Variants in PDGFRB observed in about 807,000 individuals in gnomAD.
PDGFRB encodes the protein platelet derived growth factor receptor beta, also known as platelet-derived growth factor receptor beta.
Under a neutral mutation model 120.2 loss-of-function variants are expected in PDGFRB, and 42 were observed. That is an observed-to-expected ratio of 0.35 (90% confidence interval 0.27 to 0.45). PDGFRB has a LOEUF of 0.45. PDGFRB is among the 20% of genes least tolerant of loss of function. PDGFRB has a pLI of 1.00. For synonymous variants in PDGFRB, 586 were observed against 606.8 expected (o/e 0.97, Z 0.50); for missense variants, 1,149 against 1,476.3 (o/e 0.78, Z 3.63).
At chr5:150,131,452 A>G (rs1760463577) in intron 8 of PDGFRB, among the ~76,000 whole-genome samples, 1 of 152,138 alleles carries the variant, frequency 6.6e-6, no homozygotes, top group African/African-American at 2.4e-5. Context: ...TCAAAAATGC[A>G]ACTCACACCA....
At position 150,132,535 on chromosome 5, in the gene PDGFRB, T is replaced by C. The variant is rs555446219; in HGVS notation, c.1127+215A>G. Among the ~76,000 whole-genome samples the C allele has an allele frequency of 8.1e-4, 123 of 152,306 alleles. 1 individual carries two copies. Among genetic ancestry groups the C allele is most frequent in the African/African-American group, 2.7e-3 (112 of 41,588 alleles). ...CCCATCACAAGGACAACTAAACATC[T>C]GGGTGATCATCTGACCGGCGACTGT... On this transcript the variant is annotated intron_variant, in intron 7 of 22. Coordinates refer to ENST00000261799, the MANE Select transcript of PDGFRB (RefSeq NM_002609.4). The surrounding 1 kb of genome is among the most constrained non-coding windows in gnomAD (Gnocchi z 5.0).
At chr5:150,133,793 C>G (rs766974742) in intron 5 of PDGFRB, 33 bp from the exon 6 acceptor site, 49 of 1,612,064 alleles carry the variant, frequency 3.0e-5, no homozygotes, top group South Asian at 1.1e-4. Context: ...CCCCCCAAAT[C>G]AGGAGGGGCC....
intron 10 of PDGFRB, among the ~76,000 whole-genome samples, chr5:150,128,011 G>GCCA (rs1408419519): frequency 6.6e-6 from 1 of 151,390 alleles, no homozygotes; most frequent in Non-Finnish European, 1.5e-5. Flanking sequence ...ACCTATCCTC[G>GCCA]CCATGCCTTC....
chr5:150,144,614 G>T (rs906297611), intron 1 of PDGFRB, among the ~76,000 whole-genome samples: 9 of 152,382 alleles, frequency 5.9e-5, no homozygotes, highest in African/African-American at 2.2e-4. Context: ...CCGTCAGAGT[G>T]CCTGTGCTTG....
intron 1 of PDGFRB, among the ~76,000 whole-genome samples, 171 bp downstream of exon 1, chr5:150,155,226 G>T (rs1383763724): frequency 6.6e-6 from 1 of 151,540 alleles, no homozygotes; most frequent in Non-Finnish European, 1.5e-5. Context: ...GAGAAAACTG[G>T]CTCCTCCATC....
chr5:150,115,822 G>T lies in PDGFRB; in HGVS notation c.3262C>A (p.Gln1088Lys). ...GCAGGGCACCCCGAATCCGGCAACT[G>T]TTCCAGCTCTGGCTCCGGCTCCACC... ...LQVEPEPELEQLPDSGCPAPR... is the reference protein window; with the variant it reads ...LQVEPEPELEKLPDSGCPAPR... The change falls in exon 23 of 23, where the codon CAG (glutamine) becomes AAG (lysine). Residue 1088 changes from glutamine to lysine, a missense_variant. By Grantham distance (53) the Gln-to-Lys change is moderately conservative. Transcript: ENST00000261799. 7.4e-6 allele frequency: 12 copies of T among 1,613,176 alleles called. No individual in the cohort carries two copies. The highest frequency in any genetic ancestry group is 1.0e-5 in the Non-Finnish European group (12 of 1,179,574).
At chr5:150,133,234 G>A (rs1760523430) in intron 6 of PDGFRB, among the ~76,000 whole-genome samples, 1 of 152,210 alleles carries the variant, frequency 6.6e-6, no homozygotes, top group African/African-American at 2.4e-5. Flanking sequence ...GTTGAATTTG[G>A]GGATGGGGCT....
intron 1 of PDGFRB, chr5:150,137,409 C>A (rs539502919): frequency 3.3e-5 from 7 of 209,138 alleles, no homozygotes; most frequent in Admixed American, 1.8e-4. Flanking sequence ...CCAGCTCTGA[C>A]AGCCTGTCCT....
At chr5:150,135,041 A>C in intron 3 of PDGFRB, 25 bp from the exon 4 acceptor site, 1 of 1,272,440 alleles carries the variant, frequency 7.9e-7, no homozygotes. Flanking sequence ...GCCGTGAATA[A>C]ATCAGGGGAA....
rs1201625387 is a variant in PDGFRB at position 150,124,759 on chromosome 5, G to A, written c.1880C>T (p.Ala627Val). 3 of 1,601,630 alleles carry A rather than the reference G, an allele frequency of 1.9e-6. No homozygotes were observed. The highest frequency in any genetic ancestry group is 2.6e-6 in the Non-Finnish European group (3 of 1,169,686). The change falls in exon 13 of 23, where the codon GCC becomes GTC. Residue 627 changes from alanine (A) to valine (V), a missense_variant. Ala to Val is a moderately conservative substitution (Grantham distance 64, BLOSUM62 0). Around this residue, in one of 3 missense-constraint regions of PDGFRB, gnomAD observed 879 missense variants for 1,108.6 expected, o/e 0.79. Coordinates refer to ENST00000261799, the MANE Select transcript of PDGFRB (RefSeq NM_002609.4). ...CATCTTGACGGCCACTTTCATCGTG[G>A]CCTGAGAATGGCTCAGGCCATGAGC... ...ATAHGLSHSQ[A>V]TMKVAVKMLK...
chr5:150,149,178 G>A (rs887694218), intron 1 of PDGFRB, among the ~76,000 whole-genome samples: 2 of 152,218 alleles, frequency 1.3e-5, no homozygotes, highest in African/African-American at 2.4e-5. Flanking sequence ...GCAGGAGGAT[G>A]ACACCAGCAG....
chr5:150,143,812 C>G (rs957782488), intron 1 of PDGFRB, among the ~76,000 whole-genome samples: 4 of 152,098 alleles, frequency 2.6e-5, no homozygotes, highest in Admixed American at 2.0e-4. Flanking sequence ...CCTATGCTCG[C>G]TCCACTTCCA....
At position 150,117,540 on chromosome 5, in the gene PDGFRB, GCGCGCACACACACA is replaced by G. The variant is rs1182748763; in HGVS notation, c.3137+64_3137+77del. The G allele has an allele frequency of 4.0e-5, 24 of 593,462 alleles. No homozygotes were observed. The African/African-American group carries it at 6.6e-4, about 16-fold the overall frequency. The allele number at this position is 593,462 out of a possible 1,614,324, so 36.8% of individuals were successfully genotyped here. Reference sequence around the variant, plus strand: ...GGCAAACCTGGCAGCGCGCGCGCGCGCGCGCACACACACACACACACACACACACACACACACAC... The same window carrying G: ...GGCAAACCTGGCAGCGCGCGCGCGCGCACACACACACACACACACACACAC... On this transcript the variant is annotated intron_variant, in intron 22 of 22. Transcript: ENST00000261799.
Position 150,134,898 on chromosome 5 carries a change from G to C in PDGFRB, c.483C>G (p.His161Gln). The change falls in exon 4 of 23, where the codon CAC becomes CAG. Residue 161 changes from histidine to glutamine, a missense_variant. His to Gln is a conservative substitution (Grantham distance 24). Transcript: ENST00000261799. ...VTDPQLVVTL[H>Q]EKKGDVALPV... ...GCAGTGCAACGTCCCCTTTCTTCTC[G>C]TGCAGTGTCACCACCAGCTGTGGGT... The C allele has an allele frequency of 1.2e-6, 2 of 1,614,062 alleles. No individual in the cohort carries two copies. Among genetic ancestry groups the C allele is most frequent in the Admixed American group, 1.7e-5 (1 of 60,024 alleles).
rs1561983749 is a variant in PDGFRB, at chr5:150,117,543, C to CGT, written c.3137+74_3137+75insAC. ...AAACCTGGCAGCGCGCGCGCGCGCGCGCACACACACACACACACACACACA... is the reference window on the plus strand; with the variant it reads ...AAACCTGGCAGCGCGCGCGCGCGCGCGTGCACACACACACACACACACACACA... On this transcript the variant is annotated intron_variant, in intron 22 of 22. Transcript: ENST00000261799. The CGT allele has an allele frequency of 1.2e-4, 52 of 451,874 alleles. No individual in the cohort carries two copies. The Middle Eastern group carries it at 1.9e-3, about 16-fold the overall frequency. 28.0% of individuals were successfully genotyped at this position (451,874 alleles called of 1,614,324 possible).
intron 13 of PDGFRB, 176 bp from the exon 14 acceptor site, chr5:150,124,536 G>A (rs1760239292): frequency 1.6e-6 from 1 of 625,788 alleles, no homozygotes; most frequent in East Asian, 2.7e-5. Flanking sequence ...GGGGAAGCAG[G>A]CCGAGGAGGC....
intron 1 of PDGFRB, among the ~76,000 whole-genome samples, chr5:150,140,694 A>G (rs1451804882): frequency 6.6e-6 from 1 of 151,448 alleles, no homozygotes; most frequent in Non-Finnish European, 1.5e-5. Flanking sequence ...AGTCCAGGGG[A>G]GCAGACTGGG....
At position 150,120,265 on chromosome 5, in the gene PDGFRB, G is replaced by A. The variant is rs1216689897; in HGVS notation, c.2587-142C>T. 1.6e-5 allele frequency: 10 copies of A among 622,412 alleles called. No individual in the cohort carries two copies. The highest frequency in any genetic ancestry group is 5.5e-5 in the East Asian group (2 of 36,422). 38.6% of individuals were successfully genotyped at this position (622,412 alleles called of 1,614,324 possible). A position where few individuals can be genotyped will look rare whatever the true frequency, so the allele number is the denominator to read the frequency against. Reference sequence around the variant, plus strand: ...TCCCTGTGAGGGCCCTGGTCTCTGCGCAGCACAGTTCCCATGTCCATCCCA... The same window carrying A: ...TCCCTGTGAGGGCCCTGGTCTCTGCACAGCACAGTTCCCATGTCCATCCCA... On this transcript the variant is annotated intron_variant, in intron 18 of 22. Transcript: ENST00000261799. The surrounding 1 kb of genome is among the most constrained non-coding windows in gnomAD (Gnocchi z 4.3).
intron 1 of PDGFRB, among the ~76,000 whole-genome samples, chr5:150,152,805 A>G (rs1242307845): frequency 6.6e-6 from 1 of 152,202 alleles, no homozygotes; most frequent in Non-Finnish European, 1.5e-5. Context: ...CCAGGAGAGC[A>G]GTGGTTCTCT....
Sources: gnomAD v4.1 joint callset for allele counts (sites outside exome capture counted in the v4.1 genomes callset) on GRCh38, gnomAD v4.1.1 for gene constraint, gnomAD v4.1.1 regional missense constraint, Gnocchi (gnomAD v3.1) non-coding constraint, MANE v1.5 for transcripts, NCBI Gene and HGNC (gene_info 2026-07-23, HGNC 2026-07-21) for gene names.